The following TENM2 variants were observed in gnomAD, a reference collection of about 807,000 sequenced individuals.
TENM2 encodes the protein teneurin-2.
In TENM2, 52 loss-of-function variants were observed where a neutral mutation model predicts 245.2. The ratio of observed to expected loss-of-function variants is 0.21; its 90% CI spans 0.17 to 0.27. The LOEUF (loss-of-function observed/expected upper bound fraction) is 0.27. TENM2 is among the 10% of genes least tolerant of loss of function. The pLI, the probability that TENM2 is intolerant of heterozygous loss-of-function variation, is 1.00. For synonymous variants in TENM2, 1,363 were observed against 1,438.9 expected (o/e 0.95, Z 1.19); for missense variants, 3,046 against 3,666.8 (o/e 0.83, Z 4.37).
At chr5:168,246,659 T>G in intron 26 of TENM2, 98 bp from the exon 29 acceptor site, 3 of 1,198,122 alleles carry the variant, frequency 2.5e-6, no homozygotes, top group Non-Finnish European at 3.6e-6. Context: ...TCATGACTTT[T>G]GAGTTGACAT....
chr5:168,032,506 A>T (rs1218878096), intron 5 of TENM2, among the ~76,000 whole-genome samples: 1 of 152,152 alleles, frequency 6.6e-6, no homozygotes. Context: ...CTTAGATTTG[A>T]ATAGCTTTGA....
At chr5:167,768,500 G>A (rs532204684) in intron 2 of TENM2, among the ~76,000 whole-genome samples, 5 of 152,156 alleles carry the variant, frequency 3.3e-5, no homozygotes, top group Non-Finnish European at 7.4e-5. Flanking sequence ...TTCCTATGGA[G>A]CCTCCAAAGC....
At chr5:167,204,327 A>G in the TENM2 span, among the ~76,000 whole-genome samples, 2 of 152,222 alleles carry the variant, frequency 1.3e-5, no homozygotes, top group African/African-American at 4.8e-5. Flanking sequence ...AATTGAGGCA[A>G]TAGCATCCAA....
Position 167,481,078 on chromosome 5 carries a change from T to C in TENM2, c.502+105605T>C, listed in dbSNP as rs1767730408. ...CAATATTTTGTACTGTCTGGTTGTGTAGTTTCTTCACCCATAAAAGAATCT... is the reference window on the plus strand; with the variant it reads ...CAATATTTTGTACTGTCTGGTTGTGCAGTTTCTTCACCCATAAAAGAATCT... On this transcript the variant is annotated intron_variant, in intron 2 of 28. Transcript: ENST00000518659. Among the ~76,000 whole-genome samples, 3 of 152,216 alleles carry C rather than the reference T, an allele frequency of 2.0e-5. No homozygotes were observed. In the South Asian group the frequency reaches 6.2e-4, roughly 31 times the overall value.
chr5:167,907,187 G>A (rs181114254), intron 3 of TENM2, among the ~76,000 whole-genome samples: 16 of 151,976 alleles, frequency 1.1e-4, no homozygotes, highest in African/African-American at 3.4e-4. Context: ...AGCCAAGATC[G>A]CACCGTTGCA....
intron 4 of TENM2, among the ~76,000 whole-genome samples, chr5:167,958,545 C>G (rs566133249): frequency 8.6e-5 from 13 of 151,976 alleles, no homozygotes; most frequent in African/African-American, 2.7e-4. Context: ...TTATTTTGCC[C>G]GTTGGTTGAT....
chr5:167,264,961 T>G, the TENM2 span, among the ~76,000 whole-genome samples: 4 of 152,012 alleles, frequency 2.6e-5, no homozygotes, highest in African/African-American at 9.7e-5. Flanking sequence ...CTAAAGCAGC[T>G]CTTATGTGAG....
chr5:168,215,766 T>C (rs1763139489), intron 21 of TENM2, among the ~76,000 whole-genome samples: 1 of 152,242 alleles, frequency 6.6e-6, no homozygotes, highest in African/African-American at 2.4e-5. Context: ...CCTGGAGATT[T>C]CTGACTGCTG....
At chr5:167,860,157 C>A (rs1583209716) in intron 2 of TENM2, among the ~76,000 whole-genome samples, 1 of 112,538 alleles carries the variant, frequency 8.9e-6, no homozygotes, top group African/African-American at 3.4e-5. Context: ...AGCCCCTCTG[C>A]CCGGCCAGCC....
At chr5:168,225,983 A>G (rs1764143858) in intron 23 of TENM2, 105 bp from the exon 26 acceptor site, 3 of 1,100,090 alleles carry the variant, frequency 2.7e-6, no homozygotes, top group South Asian at 1.6e-5. Flanking sequence ...CACCCAGCCA[A>G]CCCACCTTCC....
intron 2 of TENM2, among the ~76,000 whole-genome samples, chr5:167,706,974 C>T (rs1758573362): frequency 6.9e-6 from 1 of 145,098 alleles, no homozygotes; most frequent in Non-Finnish European, 1.5e-5. Flanking sequence ...GAGATCGCGC[C>T]ACTGCACTCC....
chr5:167,593,096 A>G (rs561598291), intron 2 of TENM2, among the ~76,000 whole-genome samples: 52 of 152,332 alleles, frequency 3.4e-4, no homozygotes, highest in African/African-American at 1.2e-3. Context: ...AGTAAGATTT[A>G]TCAAGTGCTC....
intron 14 of TENM2, among the ~76,000 whole-genome samples, chr5:168,193,737 T>C (rs147661243): frequency 1.2e-4 from 19 of 152,328 alleles, no homozygotes; most frequent in African/African-American, 4.1e-4. Flanking sequence ...CTTGTGGTCG[T>C]CAACACACAT....
At chr5:167,818,717 T>A (rs1767262364) in intron 2 of TENM2, among the ~76,000 whole-genome samples, 1 of 152,202 alleles carries the variant, frequency 6.6e-6, no homozygotes, top group South Asian at 2.1e-4. Context: ...ACTTAGTTAT[T>A]GGAAAAAGAT....
the TENM2 span, among the ~76,000 whole-genome samples, chr5:167,045,886 G>C: frequency 4.6e-5 from 7 of 152,144 alleles, no homozygotes; most frequent in African/African-American, 1.7e-4. Flanking sequence ...AGGGTTGCTT[G>C]CTTCTTCATT....
chr5:168,239,712 A>G (rs1236522120), intron 25 of TENM2, among the ~76,000 whole-genome samples: 3 of 152,236 alleles, frequency 2.0e-5, no homozygotes, highest in African/African-American at 7.2e-5. Context: ...ATGATCACAT[A>G]TATTATTTAC....
At chr5:167,890,233 A>G (rs560115216) in intron 3 of TENM2, among the ~76,000 whole-genome samples, 1 of 152,260 alleles carries the variant, frequency 6.6e-6, no homozygotes, top group East Asian at 1.9e-4. Context: ...ACTAGGCACG[A>G]CACATTATTC....
chr5:168,153,743 G>T (rs768562977), intron 12 of TENM2, among the ~76,000 whole-genome samples: 14 of 152,302 alleles, frequency 9.2e-5, no homozygotes, highest in Admixed American at 2.6e-4. Context: ...AGACGGCTGG[G>T]CCCCATCCCC....
chr5:167,011,954 G>A, the TENM2 span, among the ~76,000 whole-genome samples: 1 of 151,540 alleles, frequency 6.6e-6, no homozygotes, highest in African/African-American at 2.4e-5. Flanking sequence ...GTAGGTTGAT[G>A]GTCATGAAAC....
Sources: allele counts gnomAD v4.1 joint callset (sites outside exome capture counted in the v4.1 genomes callset), GRCh38; gene constraint gnomAD v4.1.1; transcripts MANE v1.5; gene names NCBI Gene and HGNC (gene_info 2026-07-23, HGNC 2026-07-21).